The following SLC25A39 variants were observed in gnomAD, a reference collection of about 807,000 sequenced individuals.
SLC25A39 encodes solute carrier family 25 member 39.
Under a neutral mutation model 46.6 loss-of-function variants are expected in SLC25A39, and 44 were observed. The observed-to-expected ratio is 0.94, with a 90% CI of 0.74 to 1.21. The LOEUF is 1.21. Among genes scored for constraint, SLC25A39 ranks in the 50% most tolerant of loss-of-function variants. The probability of loss-of-function intolerance (pLI) is 0.00; values close to 1 mark genes in which losing one functional copy is unlikely to be tolerated. For synonymous variants in SLC25A39, 218 were observed against 190.6 expected, an observed-to-expected ratio of 1.14 and a Z score of -1.19; for missense variants, 487 against 473.0, an observed-to-expected ratio of 1.03 and a Z score of -0.28.
intron 2 of SLC25A39, 39 bp downstream of exon 2, chr17:44,323,439 A>ACACCCCCCCCCCCC: frequency 1.6e-5 from 4 of 257,092 alleles, no homozygotes; most frequent in East Asian, 1.0e-4. Flanking sequence ...GGTCTGCCCC[A>ACACCCCCCCCCCCC]TCCCCACCCG....
intron 2 of SLC25A39, 60 bp downstream of exon 2, chr17:44,323,418 C>T (rs1027298174): frequency 1.5e-5 from 23 of 1,555,780 alleles, no homozygotes; most frequent in Middle Eastern, 2.3e-4. Context: ...ACCACACAGC[C>T]TCCAATCTCC....
intron 2 of SLC25A39, 39 bp downstream of exon 2, chr17:44,323,439 A>AGCCCC: frequency 7.8e-6 from 2 of 257,096 alleles, no homozygotes; most frequent in Non-Finnish European, 1.1e-5. Flanking sequence ...GGTCTGCCCC[A>AGCCCC]TCCCCACCCG....
chr17:44,323,003 ACCT>A (rs1439054523), intron 3 of SLC25A39, 151 bp from the exon 4 acceptor site: 3 of 904,250 alleles, frequency 3.3e-6, no homozygotes, highest in Non-Finnish European at 1.7e-6. Flanking sequence ...GCTCACTGCA[ACCT>A]CCACCTTCCC....
In SLC25A39 at chr17:44,321,297, C is replaced by T. The variant is rs183288226; in HGVS notation, c.518-66G>A. On this transcript the variant is annotated intron_variant, in intron 7 of 11. Coordinates refer to ENST00000377095, the MANE Select transcript of SLC25A39 (RefSeq NM_001143780.3). ...CACAGGTCTTACATGGCATCACCTA[C>T]CTGCTGTCCCAGGTCTGGGGACCTA... The T allele has an allele frequency of 3.2e-6, 5 of 1,578,756 alleles. No individual in the cohort carries two copies. In the Admixed American group the frequency reaches 6.9e-5, roughly 22 times the overall value.
chr17:44,323,282 A>ATGG lies in SLC25A39; in HGVS notation c.145+1_145+2insCCA, dbSNP rs764099391. On this transcript the variant is annotated splice_donor_variant, in intron 3 of 11. Coordinates refer to ENST00000377095, the MANE Select transcript of SLC25A39 (RefSeq NM_001143780.3). LOFTEE classifies it high-confidence loss of function. The stretch of plus-strand genomic sequence containing the variant: ...CTCACTAGTTCCAGGTCAGGTACTC[A>ATGG]CCGCTGGCCATGGAGGGCCGCTGAG... The ATGG allele has an allele frequency of 1.9e-6, 3 of 1,613,696 alleles. No homozygotes were observed. The highest frequency in any genetic ancestry group is 2.5e-6 in the Non-Finnish European group (3 of 1,179,918).
chr17:44,323,339 T>C lies in SLC25A39; in HGVS notation c.90A>G (p.Thr30=), dbSNP rs747748931. 34 of 1,611,080 alleles carry C rather than the reference T, an allele frequency of 2.1e-5. No homozygotes were observed. Among genetic ancestry groups the C allele is most frequent in the Middle Eastern group, 3.3e-4 (2 of 5,992 alleles). ...TGAVVTSLFM[T]PLDVVKVRLQ... ...GGCGAACCTTCACCACGTCCAGGGG[T>C]GTCACTGGGGGAGGAAGCGGGTCTG... The change falls in exon 3 of 12, where the codon ACA becomes ACG. Residue 30 remains threonine (T), a synonymous_variant. Coordinates refer to ENST00000377095, the MANE Select transcript of SLC25A39 (RefSeq NM_001143780.3).
chr17:44,320,877 A>G, intron 8 of SLC25A39, 146 bp from the exon 9 acceptor site: 1 of 958,978 alleles, frequency 1.0e-6, no homozygotes, highest in Non-Finnish European at 1.5e-6. Context: ...GTAGGAATTA[A>G]TCTCCTGACC....
chr17:44,323,439 A>AACCCCCC, intron 2 of SLC25A39, 39 bp downstream of exon 2: 79 of 256,938 alleles, frequency 3.1e-4, no homozygotes, highest in Non-Finnish European at 3.7e-4. Context: ...GGTCTGCCCC[A>AACCCCCC]TCCCCACCCG....
chr17:44,320,243 A>C lies in SLC25A39; in HGVS notation c.917T>G (p.Leu306Arg), dbSNP rs763700033. ...CGACTCGGCCCGGATCCTCCGCAGC[A>C]GCAGCCAGGTGGAGTCCACATGCAG... Reference protein sequence around the residue: ...NPLHVDSTWLLLRRIRAESGT... With the variant: ...NPLHVDSTWLRLRRIRAESGT... Residue 306 changes from leucine (L) to arginine (R), a missense_variant, in exon 11 of 12, where the codon CTG becomes CGG. Transcript: ENST00000377095. The C allele has an allele frequency of 4.3e-6, 7 of 1,613,878 alleles. No individual in the cohort carries two copies. In the South Asian group the frequency reaches 7.7e-5, roughly 18 times the overall value.
At position 44,319,761 on chromosome 17, in the gene SLC25A39, T is replaced by G; in HGVS notation, c.*240A>C. 1.4e-5 allele frequency: 7 copies of G among 511,878 alleles called. No individual in the cohort carries two copies. The highest frequency in any genetic ancestry group is 3.5e-5 in the East Asian group (1 of 28,336). 31.7% of individuals were successfully genotyped at this position (511,878 alleles called of 1,614,324 possible). ...AAACACGAAGGGGGCAGCTGGAAGA[T>G]TTGGTCTTGAACTTGGGGGGTGGGT... On this transcript the variant is annotated 3_prime_UTR_variant, in exon 12 of 12. Transcript: ENST00000377095.
At chr17:44,322,646 G>T in intron 4 of SLC25A39, 94 bp from the exon 5 acceptor site, 5 of 1,565,342 alleles carry the variant, frequency 3.2e-6, no homozygotes, top group Non-Finnish European at 4.3e-6. Flanking sequence ...TAAAGGCCAG[G>T]TCCCTGTGTG....
rs765945695 is a variant in SLC25A39, at chr17:44,322,556, G to A, written c.191-4C>T. ...GTGGATTGGAGAGAGGAGGGCACTGGGGAAAGGCAGGGGGCATTATAATGA... is the reference window on the plus strand; with the variant it reads ...GTGGATTGGAGAGAGGAGGGCACTGAGGAAAGGCAGGGGGCATTATAATGA... On this transcript the variant is annotated splice_polypyrimidine_tract_variant and splice_region_variant and intron_variant, in intron 4 of 11. Transcript: ENST00000377095. The A allele has an allele frequency of 1.9e-6, 3 of 1,613,846 alleles. No homozygotes were observed. The highest frequency in any genetic ancestry group is 3.3e-5 in the Admixed American group (2 of 59,936).
At position 44,319,803 on chromosome 17, in the gene SLC25A39, G is replaced by A. The variant is rs559035597; in HGVS notation, c.*198C>T. On this transcript the variant is annotated 3_prime_UTR_variant, in exon 12 of 12. Transcript: ENST00000377095. The stretch of plus-strand genomic sequence containing the variant: ...GGGGTGGGTAAGTGATGATCCCCAC[G>A]ACTGGAGCAGCAGGAAGAAGTTGTG... 5.0e-5 allele frequency: 29 copies of A among 579,210 alleles called. No individual in the cohort carries two copies. Among genetic ancestry groups the A allele is most frequent in the African/African-American group, 4.1e-4 (22 of 53,454 alleles). 35.9% of individuals were successfully genotyped at this position (579,210 alleles called of 1,614,324 possible). A position where few individuals can be genotyped will look rare whatever the true frequency, so the allele number is the denominator to read the frequency against.
At position 44,323,488 on chromosome 17, in the gene SLC25A39, G is replaced by C. The variant is rs1330140071; in HGVS notation, c.75C>G (p.Thr25=). The change falls in exon 2 of 12, where the codon ACC becomes ACG. Residue 25 remains threonine (T), a synonymous_variant. Transcript: ENST00000377095. ...MVASGTGAVV[T]SLFMTPLDVV... ...TCCCCTAGGTCTTACTGAAGAGAGA[G>C]GTAACCACAGCCCCGGTGCCTGAGG... 6.5e-7 allele frequency: 1 copy of C among 1,544,926 alleles called. No homozygotes were observed.
chr17:44,324,796 G>C lies in SLC25A39; in HGVS notation c.-101C>G, dbSNP rs1040520103. On this transcript the variant is annotated 5_prime_UTR_variant, in exon 1 of 12. Coordinates refer to ENST00000377095, the MANE Select transcript of SLC25A39 (RefSeq NM_001143780.3). ...TCCGCCGCCTGTGCGCGGTCCGCGC[G>C]CGCTCGCAGCGCACCTAGGCCGACG... The C allele has an allele frequency of 6.6e-6, 1 of 152,032 alleles. No homozygotes were observed. 9.4% of individuals were successfully genotyped at this position (152,032 alleles called of 1,614,324 possible).
chr17:44,323,733 C>T (rs2048136790), intron 1 of SLC25A39, 156 bp from the exon 2 acceptor site: 2 of 604,786 alleles, frequency 3.3e-6, no homozygotes, highest in Middle Eastern at 4.4e-4. Flanking sequence ...CAACATCCAC[C>T]CCCGTTCAAG....
chr17:44,323,227 G>A, intron 3 of SLC25A39, 57 bp downstream of exon 3: 1 of 1,598,848 alleles, frequency 6.3e-7, no homozygotes, highest in Non-Finnish European at 8.6e-7. Context: ...CCAGCCTCTG[G>A]GAGATCTTTC....
At chr17:44,322,763 T>A in intron 4 of SLC25A39, 45 bp downstream of exon 4, 1 of 1,613,200 alleles carries the variant, frequency 6.2e-7, no homozygotes, top group Non-Finnish European at 8.5e-7. Context: ...AAGGACTGTC[T>A]CCCCCTTGCA....
Position 44,320,129 on chromosome 17 carries a change from G to A in SLC25A39, c.965-13C>T. ...CGAGGAAGGAAGCCTGCAGTGGAAA[G>A]GAGGCCCGTGTCAGGGGTCAGGTCG... is the stretch of plus-strand genomic sequence containing the variant. On this transcript the variant is annotated splice_polypyrimidine_tract_variant and intron_variant, in intron 11 of 11. Transcript: ENST00000377095. 6.2e-7 allele frequency: 1 copy of A among 1,614,062 alleles called. No individual in the cohort carries two copies. Among genetic ancestry groups the A allele is most frequent in the Non-Finnish European group, 8.5e-7 (1 of 1,180,002 alleles).
Sources: gnomAD v4.1 joint callset for allele counts on GRCh38, gnomAD v4.1.1 for gene constraint, MANE v1.5 for transcripts, NCBI Gene and HGNC (gene_info 2026-07-23, HGNC 2026-07-21) for gene names.